The following ZNF521 variants were observed in gnomAD, a reference collection of about 807,000 sequenced individuals.
ZNF521 encodes LYST-interacting protein 3.
In ZNF521, 14 loss-of-function variants were observed where a neutral mutation model predicts 105.5. That is an observed-to-expected ratio of 0.13 (90% CI 0.09 to 0.21). ZNF521 has a LOEUF of 0.21. Among genes scored for constraint, ZNF521 ranks in the 10% least tolerant of loss-of-function variants. The pLI, the probability that ZNF521 is intolerant of heterozygous loss-of-function variation, is 1.00. For synonymous variants in ZNF521, 635 were observed against 606.0 expected (o/e 1.05, Z -0.70); for missense variants, 1,233 against 1,629.7 (o/e 0.76, Z 4.19).
chr18:25,254,972 A>G lies in ZNF521; in HGVS notation c.221-27275T>C, dbSNP rs529300798. Among the ~76,000 whole-genome samples the G allele has an allele frequency of 8.5e-5, 13 of 152,300 alleles. No individual in the cohort carries two copies. In the East Asian group the frequency reaches 2.3e-3, roughly 27 times the overall value. On this transcript the variant is annotated intron_variant, in intron 3 of 7. Coordinates refer to ENST00000361524, the MANE Select transcript of ZNF521 (RefSeq NM_015461.3). ...TAAGCCAGAAGTACAAATTTGCTAC[A>G]TTGTGGAAAGGCTATAAAATAGCAA...
chr18:25,281,804 T>C (rs941147963), intron 3 of ZNF521, among the ~76,000 whole-genome samples: 1 of 152,198 alleles, frequency 6.6e-6, no homozygotes, highest in African/African-American at 2.4e-5. Flanking sequence ...GGTTTCTGAC[T>C]GTCCAGTGCA....
intron 3 of ZNF521, among the ~76,000 whole-genome samples, chr18:25,318,547 T>C (rs1000991176): frequency 2.6e-5 from 4 of 152,196 alleles, no homozygotes; most frequent in African/African-American, 9.6e-5. Context: ...GCAAGCAATT[T>C]TGAAACTACT....
chr18:25,217,197 C>T (rs557005515), intron 4 of ZNF521, among the ~76,000 whole-genome samples: 3 of 152,292 alleles, frequency 2.0e-5, no homozygotes, highest in Admixed American at 6.5e-5. Flanking sequence ...ACGCTTCCAA[C>T]TGCAGCATGA....
intron 3 of ZNF521, among the ~76,000 whole-genome samples, chr18:25,287,764 T>C (rs1160570499): frequency 6.6e-6 from 1 of 152,180 alleles, no homozygotes; most frequent in African/African-American, 2.4e-5. Flanking sequence ...AAAATTACTT[T>C]GATACAACTA....
At chr18:25,344,524 T>G (rs1363266286) in intron 2 of ZNF521, among the ~76,000 whole-genome samples, 1 of 152,202 alleles carries the variant, frequency 6.6e-6, no homozygotes, top group East Asian at 1.9e-4. Context: ...TTAATTGAAA[T>G]GGAATTAGAA....
At chr18:25,316,443 G>A (rs1455114418) in intron 3 of ZNF521, among the ~76,000 whole-genome samples, 5 of 110,562 alleles carry the variant, frequency 4.5e-5, no homozygotes, top group African/African-American at 1.7e-4. Context: ...GTGGGGGGTG[G>A]GGGGTGGGGA....
At chr18:25,079,067 G>A (rs987117347) in intron 7 of ZNF521, among the ~76,000 whole-genome samples, 1 of 152,234 alleles carries the variant, frequency 6.6e-6, no homozygotes, top group African/African-American at 2.4e-5. Flanking sequence ...CAACCCAGGG[G>A]TTTGATCATT....
chr18:25,124,979 A>G (rs2034512204), intron 5 of ZNF521, among the ~76,000 whole-genome samples: 1 of 152,154 alleles, frequency 6.6e-6, no homozygotes, highest in Non-Finnish European at 1.5e-5. Flanking sequence ...AAAACATTCA[A>G]CCAAAATTTC....
chr18:25,212,565 A>ATGTG (rs1555647942), intron 4 of ZNF521, among the ~76,000 whole-genome samples: 2 of 112,870 alleles, frequency 1.8e-5, no homozygotes, highest in African/African-American at 7.2e-5. Context: ...ATATATATAT[A>ATGTG]TGTATAGAAA....
intron 7 of ZNF521, among the ~76,000 whole-genome samples, chr18:25,071,460 C>T (rs1047063048): frequency 2.6e-5 from 4 of 152,026 alleles, no homozygotes; most frequent in East Asian, 3.9e-4. Flanking sequence ...TTTAAAGGTA[C>T]CCAAATATTA....
intron 4 of ZNF521, among the ~76,000 whole-genome samples, chr18:25,215,181 A>C (rs1600164581): frequency 6.6e-6 from 1 of 152,148 alleles, no homozygotes; most frequent in East Asian, 1.9e-4. Flanking sequence ...CAGAATAGAA[A>C]AGTAGGTTAA....
At chr18:25,281,349 G>A (rs1428443865) in intron 3 of ZNF521, among the ~76,000 whole-genome samples, 1 of 152,180 alleles carries the variant, frequency 6.6e-6, no homozygotes, top group Admixed American at 6.5e-5. Context: ...CCTCATTCCT[G>A]CACACAGAAG....
intron 7 of ZNF521, among the ~76,000 whole-genome samples, chr18:25,065,314 A>T (rs2033027253): frequency 6.6e-6 from 1 of 152,264 alleles, no homozygotes; most frequent in Non-Finnish European, 1.5e-5. Flanking sequence ...ATGATGGAAT[A>T]TAGGTGACTA....
chr18:25,076,203 C>T (rs2033357684), intron 7 of ZNF521, among the ~76,000 whole-genome samples: 1 of 152,100 alleles, frequency 6.6e-6, no homozygotes, highest in East Asian at 1.9e-4. Flanking sequence ...AATGGTAATC[C>T]GTGGATGAAT....
intron 5 of ZNF521, among the ~76,000 whole-genome samples, chr18:25,119,041 A>G (rs923069058): frequency 9.2e-5 from 14 of 152,298 alleles, no homozygotes; most frequent in Admixed American, 7.8e-4. Flanking sequence ...ATGCAAAATA[A>G]GCCAACTGCT....
At chr18:25,092,969 T>C (rs78488569) in intron 5 of ZNF521, among the ~76,000 whole-genome samples, 1 of 152,320 alleles carries the variant, frequency 6.6e-6, no homozygotes, top group East Asian at 1.9e-4. Flanking sequence ...TTGTAAGGTA[T>C]AAAAAACCAG....
chr18:25,151,368 A>C (rs2035044753), intron 5 of ZNF521, among the ~76,000 whole-genome samples: 1 of 152,050 alleles, frequency 6.6e-6, no homozygotes, highest in Non-Finnish European at 1.5e-5. Context: ...TCATTTAATC[A>C]CTTCTGGTCA....
At chr18:25,307,627 C>T (rs1052766517) in intron 3 of ZNF521, among the ~76,000 whole-genome samples, 3 of 152,158 alleles carry the variant, frequency 2.0e-5, no homozygotes, top group Non-Finnish European at 4.4e-5. Context: ...CTGGTATTCA[C>T]GCCTTTGTAT....
intron 5 of ZNF521, among the ~76,000 whole-genome samples, chr18:25,141,310 T>A (rs1240276817): frequency 6.6e-6 from 1 of 152,216 alleles, no homozygotes; most frequent in African/African-American, 2.4e-5. Flanking sequence ...GCTGTTTATA[T>A]GTGATGTGCA....
Sources: gnomAD v4.1 joint callset for allele counts (sites outside exome capture counted in the v4.1 genomes callset) on GRCh38, gnomAD v4.1.1 for gene constraint, MANE v1.5 for transcripts, NCBI Gene and HGNC (gene_info 2026-07-23, HGNC 2026-07-21) for gene names.